Variants in MOV10L1 observed in about 807,000 individuals in gnomAD.
MOV10L1 encodes Mov10 like RNA helicase 1, also known as RNA helicase Mov10l1.
Under a neutral mutation model 143.8 loss-of-function variants are expected in MOV10L1, and 110 were observed. The observed-to-expected ratio is 0.76, with a 90% CI of 0.66 to 0.90. The LOEUF (loss-of-function observed/expected upper bound fraction) is 0.90. MOV10L1 is among the 40% of genes least tolerant of loss of function. The pLI is 0.00. For missense variants in MOV10L1, 1,406 were observed against 1,526.8 expected (o/e 0.92, Z 1.32); for synonymous variants, 593 against 581.1 (o/e 1.02, Z -0.29).
chr22:50,113,819 A>G, intron 6 of MOV10L1, 31 bp downstream of exon 6: 1 of 1,547,058 alleles, frequency 6.5e-7, no homozygotes, highest in Non-Finnish European at 8.7e-7. Flanking sequence ...TTTTCTATAA[A>G]GCTACATTAA....
In MOV10L1 at chr22:50,128,613, C is replaced by G. The variant is rs550995448; in HGVS notation, c.1910+106C>G. On this transcript the variant is annotated intron_variant, in intron 13 of 26. Transcript: ENST00000262794. ...AGGCTGGATTTCAGTGGCGCAATCT[C>G]GGCTCACTGCAACCTCCGCCTCCCA... The G allele has an allele frequency of 1.3e-4, 84 of 635,276 alleles. 1 individual carries two copies. In the African/African-American group the frequency reaches 1.3e-3, roughly 10 times the overall value. The allele number at this position is 635,276 out of a possible 1,614,324, so 39.4% of individuals were successfully genotyped here.
chr22:50,160,675 T>C lies in MOV10L1; in HGVS notation c.3325-13T>C, dbSNP rs766944553. ...TTCAAGTGCCATTTTTATTCATCTC[T>C]GTGTGCTTTTAGGTACGGTCAAATG... On this transcript the variant is annotated splice_polypyrimidine_tract_variant and intron_variant, in intron 24 of 26. Coordinates refer to ENST00000262794, the MANE Select transcript of MOV10L1 (RefSeq NM_018995.3). The C allele has an allele frequency of 5.6e-6, 9 of 1,610,548 alleles. No homozygotes were observed. The East Asian group carries it at 2.0e-4, about 36-fold the overall frequency.
intron 3 of MOV10L1, among the ~76,000 whole-genome samples, chr22:50,100,686 T>G (rs904954258): frequency 7.9e-5 from 12 of 152,076 alleles, no homozygotes; most frequent in Admixed American, 5.9e-4. Context: ...TTTGTGTCTT[T>G]AGTAGAGACA....
At chr22:50,115,276 C>G (rs769598966) in intron 8 of MOV10L1, 30 bp downstream of exon 8, 2 of 1,461,768 alleles carry the variant, frequency 1.4e-6, no homozygotes, top group Admixed American at 2.9e-5. Flanking sequence ...GGGAGAGCCG[C>G]GTTTTTAAGT....
rs185518372 is a variant in MOV10L1 at position 50,099,519 on chromosome 22, T to G, written c.359T>G (p.Leu120Trp). ...CCCTCAGACTGCGGCCCCCGAGTGT[T>G]GATTGGCTGTGTGACTTCCCTGGTG... Reference protein sequence around the residue: ...GSPSDCGPRVLIGCVTSLVEG... With the variant: ...GSPSDCGPRVWIGCVTSLVEG... Residue 120 changes from leucine to tryptophan, a missense_variant, in exon 3 of 27, where the codon TTG becomes TGG. By Grantham distance (61) the Leu-to-Trp change is moderately conservative (BLOSUM62 -2). Around this residue, in one of 3 missense-constraint regions of MOV10L1, gnomAD observed 166 missense variants for 153.9 expected, o/e 1.08. Coordinates refer to ENST00000262794, the MANE Select transcript of MOV10L1 (RefSeq NM_018995.3). 2 of 1,614,172 alleles carry G rather than the reference T, an allele frequency of 1.2e-6. No homozygotes were observed. Among genetic ancestry groups the G allele is most frequent in the Non-Finnish European group, 1.7e-6 (2 of 1,180,020 alleles).
chr22:50,136,992 C>G (rs1278473231), intron 15 of MOV10L1, among the ~76,000 whole-genome samples: 1 of 152,132 alleles, frequency 6.6e-6, no homozygotes, highest in Non-Finnish European at 1.5e-5. Flanking sequence ...CTGCTCCGGC[C>G]CAGACTGACA....
At chr22:50,110,693 G>A (rs2062000200) in intron 5 of MOV10L1, among the ~76,000 whole-genome samples, 1 of 152,150 alleles carries the variant, frequency 6.6e-6, no homozygotes, top group African/African-American at 2.4e-5. Flanking sequence ...GACTTTGGGA[G>A]GCCAAGGCGG....
chr22:50,104,732 AAT>A (rs1423123357), intron 3 of MOV10L1, among the ~76,000 whole-genome samples: 1 of 152,148 alleles, frequency 6.6e-6, no homozygotes, highest in African/African-American at 2.4e-5. Context: ...AACATACTTT[AAT>A]ATCTTAGCAT....
intron 12 of MOV10L1, among the ~76,000 whole-genome samples, chr22:50,127,761 G>T (rs2062551984): frequency 1.3e-5 from 2 of 150,784 alleles, no homozygotes. Flanking sequence ...GATAAGTCTT[G>T]TAATGACTGT....
At position 50,114,494 on chromosome 22, in the gene MOV10L1, C is replaced by T; in HGVS notation, c.998C>T (p.Ser333Phe). Residue 333 changes from serine (S) to phenylalanine (F), a missense_variant, in exon 7 of 27, where the codon TCT becomes TTT. By Grantham distance (155) the Ser-to-Phe change is radical. Around this residue, in one of 3 missense-constraint regions of MOV10L1, gnomAD observed 1,233 missense variants for 1,351.4 expected, o/e 0.91. Transcript: ENST00000262794. Reference sequence around the variant, plus strand: ...AAAGACCAGATGTGCCCCGTGGTATCTTTTGTTTCTGTTCCTGAGAAGGAG... The same window carrying T: ...AAAGACCAGATGTGCCCCGTGGTATTTTTTGTTTCTGTTCCTGAGAAGGAG... ...LDKDQMCPVVSFVSVPEKENS... is the reference protein window; with the variant it reads ...LDKDQMCPVVFFVSVPEKENS... 1 of 1,614,172 alleles carries T rather than the reference C, an allele frequency of 6.2e-7. No individual in the cohort carries two copies. The highest frequency in any genetic ancestry group is 8.5e-7 in the Non-Finnish European group (1 of 1,180,032).
intron 5 of MOV10L1, chr22:50,109,668 CTCA>C (rs2061968564): frequency 4.8e-5 from 7 of 144,974 alleles, no homozygotes; most frequent in South Asian, 1.4e-4. Context: ...GAGACTCCTT[CTCA>C]AAAAAAAAAA....
chr22:50,154,337 G>T (rs1380566026), intron 22 of MOV10L1, among the ~76,000 whole-genome samples: 1 of 152,102 alleles, frequency 6.6e-6, no homozygotes, highest in Non-Finnish European at 1.5e-5. Context: ...CAGGAGGATT[G>T]CTTGAGCCTA....
chr22:50,092,368 C>T (rs771787795), intron 2 of MOV10L1, among the ~76,000 whole-genome samples, 183 bp downstream of exon 2: 10 of 152,168 alleles, frequency 6.6e-5, no homozygotes, highest in Non-Finnish European at 1.2e-4. Flanking sequence ...CAGTGGCTCA[C>T]GCCTGTAATC....
chr22:50,134,319 A>T (rs62239263), intron 14 of MOV10L1, among the ~76,000 whole-genome samples: 34,086 of 152,070 alleles, frequency 0.22, 4,152 homozygotes, highest in Admixed American at 0.35. Flanking sequence ...AATGTAATTT[A>T]TGAATTTTTA....
chr22:50,161,281 G>T, intron 26 of MOV10L1, 87 bp from the exon 27 acceptor site: 1 of 1,211,912 alleles, frequency 8.3e-7, no homozygotes, highest in East Asian at 2.5e-5. Context: ...AAGTCCCCTT[G>T]TAAAACCCAC....
At chr22:50,104,417 C>T (rs2061819214) in intron 3 of MOV10L1, among the ~76,000 whole-genome samples, 1 of 152,196 alleles carries the variant, frequency 6.6e-6, no homozygotes, top group Admixed American at 6.5e-5. Flanking sequence ...TTGGGAGGGG[C>T]ACTCCCTGCC....
At chr22:50,153,299 C>T (rs944233501) in intron 22 of MOV10L1, 81 bp downstream of exon 22, 24 of 1,423,838 alleles carry the variant, frequency 1.7e-5, no homozygotes, top group Non-Finnish European at 2.2e-5. Flanking sequence ...AGGTGAGGCT[C>T]TGTCACCTGC....
chr22:50,102,390 G>A (rs1013219603), intron 3 of MOV10L1, among the ~76,000 whole-genome samples: 1 of 152,138 alleles, frequency 6.6e-6, no homozygotes, highest in East Asian at 1.9e-4. Context: ...CAAAAGGTGC[G>A]GCTGTGTCCT....
intron 13 of MOV10L1, among the ~76,000 whole-genome samples, chr22:50,129,002 CTT>C (rs929824302): frequency 1.2e-4 from 19 of 152,282 alleles, no homozygotes; most frequent in African/African-American, 4.6e-4. Flanking sequence ...ACAGTGTTCT[CTT>C]GAGTATGTCT....
Sources: gnomAD v4.1 joint callset for allele counts (sites outside exome capture counted in the v4.1 genomes callset) on GRCh38, gnomAD v4.1.1 for gene constraint, gnomAD v4.1.1 regional missense constraint, MANE v1.5 for transcripts, NCBI Gene and HGNC (gene_info 2026-07-23, HGNC 2026-07-21) for gene names.